Variants in NDUFAF2 observed in about 807,000 individuals in gnomAD.
NDUFAF2 encodes the protein NADH:ubiquinone oxidoreductase complex assembly factor 2, also known as NADH dehydrogenase [ubiquinone] 1 alpha subcomplex assembly factor 2.
NDUFAF2 carries 13 observed loss-of-function variants against 22.8 expected under a neutral mutation model. The ratio of observed to expected loss-of-function variants is 0.57; its 90% CI spans 0.37 to 0.91. The LOEUF is 0.91. NDUFAF2 is among the 40% of genes least tolerant of loss of function. NDUFAF2 has a pLI of 0.01. For synonymous variants in NDUFAF2, 53 were observed against 64.2 expected (o/e 0.83, Z 0.84); for missense variants, 162 against 195.2 (o/e 0.83, Z 1.01).
At chr5:61,045,970 T>G (rs188892293) in intron 1 of NDUFAF2, among the ~76,000 whole-genome samples, 4 of 152,314 alleles carry the variant, frequency 2.6e-5, no homozygotes, top group Admixed American at 2.6e-4. Flanking sequence ...ATGGCCTTAT[T>G]GTGTTGAGGT....
intron 1 of NDUFAF2, among the ~76,000 whole-genome samples, chr5:60,972,150 T>C (rs1476802349): frequency 1.3e-5 from 2 of 151,074 alleles, no homozygotes; most frequent in African/African-American, 4.9e-5. Context: ...ACCATGTTGG[T>C]CAGGCTGGTT....
At chr5:61,026,695 G>T (rs1247188548) in intron 1 of NDUFAF2, among the ~76,000 whole-genome samples, 2 of 152,014 alleles carry the variant, frequency 1.3e-5, no homozygotes, top group Non-Finnish European at 2.9e-5. Flanking sequence ...TTTAAAATGT[G>T]TTTTAAAAAT....
intron 3 of NDUFAF2, among the ~76,000 whole-genome samples, chr5:61,101,703 G>A (rs1045064195): frequency 2.0e-5 from 3 of 152,026 alleles, no homozygotes; most frequent in African/African-American, 7.2e-5. Flanking sequence ...AGGTTAGCCA[G>A]CAGCCATTAG....
At chr5:60,947,686 A>C (rs999373994) in intron 1 of NDUFAF2, among the ~76,000 whole-genome samples, 1 of 151,158 alleles carries the variant, frequency 6.6e-6, no homozygotes, top group Non-Finnish European at 1.5e-5. Flanking sequence ...AAATCACTTG[A>C]ACCTGGGAGG....
At chr5:60,985,466 A>T (rs1011293078) in intron 1 of NDUFAF2, among the ~76,000 whole-genome samples, 1 of 151,736 alleles carries the variant, frequency 6.6e-6, no homozygotes, top group East Asian at 1.9e-4. Flanking sequence ...TTGCTTCTCT[A>T]GTTCTTTTAA....
chr5:60,969,760 T>G (rs969873005), intron 1 of NDUFAF2, among the ~76,000 whole-genome samples: 1 of 152,166 alleles, frequency 6.6e-6, no homozygotes, highest in Non-Finnish European at 1.5e-5. Flanking sequence ...TTGCTTTGGT[T>G]GCCTGCACCT....
intron 2 of NDUFAF2, among the ~76,000 whole-genome samples, chr5:61,082,831 T>C (rs1426099183): frequency 6.6e-6 from 1 of 152,212 alleles, no homozygotes; most frequent in Non-Finnish European, 1.5e-5. Flanking sequence ...GCAATAACCG[T>C]GCGAATGCAT....
intron 2 of NDUFAF2, among the ~76,000 whole-genome samples, chr5:61,081,727 T>A (rs1257717886): frequency 1.3e-5 from 2 of 152,236 alleles, no homozygotes; most frequent in Non-Finnish European, 2.9e-5. Flanking sequence ...AATTTAATGA[T>A]AAATGTTTTG....
At chr5:61,128,004 C>T (rs1392206371) in intron 3 of NDUFAF2, among the ~76,000 whole-genome samples, 2 of 152,114 alleles carry the variant, frequency 1.3e-5, no homozygotes, top group Non-Finnish European at 2.9e-5. Flanking sequence ...ACACCAATAA[C>T]AGACAAACAG....
intron 2 of NDUFAF2, among the ~76,000 whole-genome samples, chr5:61,089,744 A>G (rs1476141003): frequency 1.3e-5 from 2 of 152,106 alleles, no homozygotes; most frequent in African/African-American, 4.8e-5. Flanking sequence ...AGACTAGGCA[A>G]TATTTATTAT....
intron 1 of NDUFAF2, among the ~76,000 whole-genome samples, chr5:60,971,856 C>CT (rs1561530785): frequency 2.6e-5 from 4 of 151,664 alleles, no homozygotes; most frequent in Admixed American, 1.3e-4. Flanking sequence ...TTAATCCAGT[C>CT]TATCATTGAT....
intron 1 of NDUFAF2, among the ~76,000 whole-genome samples, chr5:61,021,160 A>G (rs539830768): frequency 6.6e-6 from 1 of 152,280 alleles, no homozygotes; most frequent in South Asian, 2.1e-4. Context: ...TTAAAACAAC[A>G]CAGATTTATT....
intron 1 of NDUFAF2, among the ~76,000 whole-genome samples, chr5:60,992,185 C>A (rs1032747160): frequency 1.3e-5 from 2 of 152,094 alleles, no homozygotes; most frequent in Admixed American, 6.5e-5. Context: ...TTCATATATA[C>A]TCTGGTTATT....
intron 1 of NDUFAF2, among the ~76,000 whole-genome samples, chr5:60,982,798 A>G (rs1169865482): frequency 6.6e-6 from 1 of 151,992 alleles, no homozygotes; most frequent in African/African-American, 2.4e-5. Context: ...CCAGTCTATC[A>G]TTGTTGGACA....
rs1752853675 is a variant in NDUFAF2, at chr5:61,112,228, T to G, written c.258+13196T>G. ...TTCTTTATCCCCCCCCCTTTTTTTT[T>G]TTTTGAGACAGAGTCTCTCTCTGTC... On this transcript the variant is annotated intron_variant, in intron 3 of 3. Transcript: ENST00000296597. 2.6e-5 allele frequency among the ~76,000 whole-genome samples: 4 copies of G among 151,254 alleles called. No individual in the cohort carries two copies. The South Asian group carries it at 8.4e-4, about 32-fold the overall frequency.
intron 1 of NDUFAF2, among the ~76,000 whole-genome samples, chr5:60,967,248 A>G (rs932537691): frequency 6.6e-6 from 1 of 151,982 alleles, no homozygotes; most frequent in Non-Finnish European, 1.5e-5. Flanking sequence ...TGGCATTTTT[A>G]GAATTTTTTA....
intron 1 of NDUFAF2, among the ~76,000 whole-genome samples, chr5:60,982,283 A>C (rs200075281): frequency 6.6e-6 from 1 of 152,300 alleles, no homozygotes; most frequent in East Asian, 1.9e-4. Context: ...ACATGGCTGC[A>C]GAGGCCTCAC....
intron 1 of NDUFAF2, among the ~76,000 whole-genome samples, chr5:61,005,825 T>C (rs1751359312): frequency 6.6e-6 from 1 of 152,094 alleles, no homozygotes; most frequent in African/African-American, 2.4e-5. Context: ...AAGTTCTTTG[T>C]AGATTCTGGA....
chr5:61,135,791 G>A (rs567108743), intron 3 of NDUFAF2, among the ~76,000 whole-genome samples: 3 of 151,910 alleles, frequency 2.0e-5, no homozygotes, highest in East Asian at 1.9e-4. Flanking sequence ...CGTGGGCAAG[G>A]CTACAGAATT....
Sources: gnomAD v4.1 joint callset for allele counts (sites outside exome capture counted in the v4.1 genomes callset) on GRCh38, gnomAD v4.1.1 for gene constraint, MANE v1.5 for transcripts, NCBI Gene and HGNC (gene_info 2026-07-23, HGNC 2026-07-21) for gene names.